The following DLGAP2 variants were observed in gnomAD, a reference collection of about 807,000 sequenced individuals.
DLGAP2 encodes the protein DLG associated protein 2.
DLGAP2 carries 26 observed loss-of-function variants against 100.3 expected under a neutral mutation model. That is an observed-to-expected ratio of 0.26 (90% CI 0.19 to 0.36). DLGAP2 has a LOEUF of 0.36. DLGAP2 is among the 10% of genes least tolerant of loss of function. DLGAP2 has a pLI of 1.00. For synonymous variants in DLGAP2, 886 were observed against 630.1 expected (o/e 1.41, Z -6.08); for missense variants, 1,858 against 1,453.2 (o/e 1.28, Z -4.53).
chr8:760,935 A>T (rs1225551743), intron 1 of DLGAP2, among the ~76,000 whole-genome samples: 2 of 152,040 alleles, frequency 1.3e-5, no homozygotes, highest in Non-Finnish European at 2.9e-5. Context: ...TCAATTTTTG[A>T]GAGGAAGAAT....
intron 2 of DLGAP2, among the ~76,000 whole-genome samples, chr8:1,200,055 A>G (rs1423486052): frequency 6.6e-6 from 1 of 151,654 alleles, no homozygotes; most frequent in Non-Finnish European, 1.5e-5. Context: ...GAACAGGAGG[A>G]TGAGGACGAC....
At chr8:1,151,080 T>G (rs753794292) in intron 2 of DLGAP2, among the ~76,000 whole-genome samples, 1 of 152,232 alleles carries the variant, frequency 6.6e-6, no homozygotes, top group African/African-American at 2.4e-5. Context: ...TGTTAACATT[T>G]TGATATTTCA....
At chr8:777,776 C>G (rs1487734852) in intron 1 of DLGAP2, among the ~76,000 whole-genome samples, 1 of 152,062 alleles carries the variant, frequency 6.6e-6, no homozygotes, top group East Asian at 1.9e-4. Context: ...CTCTGGCTGC[C>G]CTTAACATTT....
chr8:788,277 C>G (rs535990402), intron 1 of DLGAP2, among the ~76,000 whole-genome samples: 1 of 152,358 alleles, frequency 6.6e-6, no homozygotes, highest in East Asian at 1.9e-4. Flanking sequence ...GCATCGATAT[C>G]CATACCCATG....
chr8:1,205,902 C>T (rs1797979771), intron 2 of DLGAP2, among the ~76,000 whole-genome samples: 1 of 152,174 alleles, frequency 6.6e-6, no homozygotes, highest in Admixed American at 6.5e-5. Context: ...TCTGTGATCG[C>T]AGCTACCTGG....
At chr8:1,354,551 G>A (rs901138736) in intron 3 of DLGAP2, among the ~76,000 whole-genome samples, 2 of 152,292 alleles carry the variant, frequency 1.3e-5, no homozygotes, top group Middle Eastern at 6.8e-3. Context: ...ACCTTGGAAT[G>A]AAAGACTGTG....
chr8:839,575 A>G (rs1643363019), intron 1 of DLGAP2, among the ~76,000 whole-genome samples: 1 of 152,104 alleles, frequency 6.6e-6, no homozygotes, highest in Non-Finnish European at 1.5e-5. Flanking sequence ...TGGTCTTAGG[A>G]TGGATGGGAA....
chr8:1,252,103 G>A (rs946572578), intron 2 of DLGAP2, among the ~76,000 whole-genome samples: 10 of 145,264 alleles, frequency 6.9e-5, no homozygotes, highest in African/African-American at 1.1e-4. Context: ...CCTGGGTCAC[G>A]GTGTCAAAGT....
At chr8:1,303,898 T>C (rs973323999) in intron 3 of DLGAP2, among the ~76,000 whole-genome samples, 1 of 151,982 alleles carries the variant, frequency 6.6e-6, no homozygotes, top group East Asian at 1.9e-4. Flanking sequence ...TGGAGGGAGA[T>C]GGGATTTTGA....
At chr8:1,476,843 C>A (rs577861426) in intron 3 of DLGAP2, among the ~76,000 whole-genome samples, 1 of 146,968 alleles carries the variant, frequency 6.8e-6, no homozygotes, top group East Asian at 2.1e-4. Context: ...CCAGCCCCTT[C>A]TGCAGACCCA....
At chr8:1,180,074 G>A (rs7821310) in intron 2 of DLGAP2, among the ~76,000 whole-genome samples, 87,547 of 152,126 alleles carry the variant, frequency 0.58, 25,540 homozygotes, top group Admixed American at 0.66. Flanking sequence ...GAATGTTCAT[G>A]TTGTATCAAT....
intron 2 of DLGAP2, among the ~76,000 whole-genome samples, chr8:942,267 C>G (rs1311701351): frequency 2.0e-5 from 3 of 152,222 alleles, no homozygotes. Context: ...TTCTGTTTAT[C>G]TAAAGCTCTG....
chr8:939,720 AGG>A (rs1231642691), intron 2 of DLGAP2, among the ~76,000 whole-genome samples: 25 of 63,018 alleles, frequency 4.0e-4, no homozygotes, highest in Non-Finnish European at 6.1e-4. Flanking sequence ...GTGCAGACAC[AGG>A]GGGGCTGGGG....
chr8:1,284,077 C>T (rs1038543331), intron 3 of DLGAP2, among the ~76,000 whole-genome samples: 1 of 152,144 alleles, frequency 6.6e-6, no homozygotes. Flanking sequence ...AAAGTTCTTT[C>T]AAAATTACTA....
chr8:1,511,612 G>A (rs529046871), intron 4 of DLGAP2, among the ~76,000 whole-genome samples: 8 of 150,986 alleles, frequency 5.3e-5, no homozygotes, highest in East Asian at 2.0e-4. Context: ...TGGACGTAAG[G>A]TCTGTCTAGT....
At chr8:817,958 G>C (rs1261887012) in intron 1 of DLGAP2, among the ~76,000 whole-genome samples, 1 of 152,194 alleles carries the variant, frequency 6.6e-6, no homozygotes, top group Non-Finnish European at 1.5e-5. Flanking sequence ...GTGCTTTCAA[G>C]AGTGCATCAG....
At chr8:1,232,117 T>G (rs923742338) in intron 2 of DLGAP2, among the ~76,000 whole-genome samples, 1 of 152,192 alleles carries the variant, frequency 6.6e-6, no homozygotes, top group African/African-American at 2.4e-5. Flanking sequence ...GGGATGGTTA[T>G]TTGAGGAGCT....
At chr8:1,593,468 A>ATAC (rs939784217) in intron 6 of DLGAP2, among the ~76,000 whole-genome samples, 2 of 151,818 alleles carry the variant, frequency 1.3e-5, no homozygotes, top group Non-Finnish European at 2.9e-5. Flanking sequence ...AATAATAATA[A>ATAC]TAATAAAATA....
At chr8:1,096,781 G>A (rs1160083519) in intron 2 of DLGAP2, among the ~76,000 whole-genome samples, 14 of 145,390 alleles carry the variant, frequency 9.6e-5, no homozygotes, top group Non-Finnish European at 1.5e-5. Context: ...ACCCTCTGTG[G>A]CATGGAGAGG....
Sources: allele counts gnomAD v4.1 joint callset (sites outside exome capture counted in the v4.1 genomes callset), GRCh38; gene constraint gnomAD v4.1.1; transcripts MANE v1.5; gene names NCBI Gene and HGNC (gene_info 2026-07-23, HGNC 2026-07-21).